RETN: variants seen among roughly 807,000 people sequenced by gnomAD.
The protein encoded by RETN is resistin, also known as C/EBP-epsilon regulated myeloid-specific secreted cysteine-rich protein precursor 1.
RETN carries 5 observed loss-of-function variants against 6.1 expected under a neutral mutation model. That is an observed-to-expected ratio of 0.82 (90% CI 0.43 to 1.73). The LOEUF is 1.73. Ranked by LOEUF, RETN falls within the 40% of genes most tolerant of loss-of-function variation. RETN has a pLI of 0.02. For synonymous variants in RETN, 62 were observed against 59.2 expected, an observed-to-expected ratio of 1.05 and a Z score of -0.22; for missense variants, 168 against 142.5, an observed-to-expected ratio of 1.18 and a Z score of -0.91.
In RETN at chr19:7,669,378, A is replaced by T; in HGVS notation, c.52A>T (p.Ser18Cys). 8.7e-6 allele frequency: 14 copies of T among 1,613,954 alleles called. No individual in the cohort carries two copies. The highest frequency in any genetic ancestry group is 1.0e-5 in the Non-Finnish European group (12 of 1,179,970). ...CCCTGTCCTGGGGCTGTTGGTGTCT[A>T]GCAAGACCCTGTGCTCCATGGAAGA... Reference protein sequence around the residue: ...LLPVLGLLVSSKTLCSMEEAI... With the variant: ...LLPVLGLLVSCKTLCSMEEAI... Residue 18 changes from serine (S) to cysteine (C), a missense_variant, in exon 2 of 4, where the codon AGC (serine) becomes TGC (cysteine). Coordinates refer to ENST00000221515, the MANE Select transcript of RETN (RefSeq NM_020415.4).
chr19:7,670,347 T>A lies in RETN; in HGVS notation c.325T>A (p.Ter109ArgextTer?). The change falls in exon 4 of 4, where the codon TGA becomes AGA. Residue 109 changes from the stop codon to arginine, a stop_lost. Transcript: ENST00000221515. ...AGCGCGCTGCTGTCGTGTGCAGCCC[T>A]GAGGTCGCGCGCAGCGCGTGCACAG... ...TGARCCRVQP[*>R] 1.3e-6 allele frequency: 2 copies of A among 1,549,770 alleles called. No individual in the cohort carries two copies. The highest frequency in any genetic ancestry group is 1.7e-6 in the Non-Finnish European group (2 of 1,152,016).
Position 7,670,299 on chromosome 19 carries a change from T to C in RETN, c.277T>C (p.Cys93Arg). 1 of 1,587,930 alleles carries C rather than the reference T, an allele frequency of 6.3e-7. No individual in the cohort carries two copies. Among genetic ancestry groups the C allele is most frequent in the South Asian group, 1.1e-5 (1 of 88,384 alleles). Residue 93 changes from cysteine to arginine, a missense_variant, in exon 4 of 4, where the codon TGC becomes CGC. Transcript: ENST00000221515. ...CGCCGAGACCACATGTCACTGCCAG[T>C]GCGCGGGCATGGACTGGACCGGAGC... Reference protein sequence around the residue: ...VRAETTCHCQCAGMDWTGARC... With the variant: ...VRAETTCHCQRAGMDWTGARC...
chr19:7,670,123 C>G (rs2032472768), intron 3 of RETN, 96 bp from the exon 4 acceptor site: 2 of 529,360 alleles, frequency 3.8e-6, no homozygotes, highest in Non-Finnish European at 3.4e-6. Flanking sequence ...TCCCCACCCC[C>G]GCCCCCCCAA....
Position 7,669,438 on chromosome 19 carries a change from T to A in RETN, c.112T>A (p.Ser38Thr). ...TGAGAGGATCCAGGAGGTCGCCGGC[T>A]CCCTAAGTGAGGACCCCCCACTTGG... is the stretch of plus-strand genomic sequence containing the variant. ...INERIQEVAG[S>T]LIFRAISSIG... The change falls in exon 2 of 4, where the codon TCC (serine) becomes ACC (threonine). Residue 38 changes from serine (S) to threonine (T), a missense_variant. Ser to Thr is a moderately conservative substitution (Grantham distance 58). Transcript: ENST00000221515. 13 of 1,612,670 alleles carry A rather than the reference T, an allele frequency of 8.1e-6. No individual in the cohort carries two copies. Among genetic ancestry groups the A allele is most frequent in the Non-Finnish European group, 1.1e-5 (13 of 1,178,848 alleles).
At position 7,669,348 on chromosome 19, in the gene RETN, C is replaced by T; in HGVS notation, c.22C>T (p.Leu8Phe). 6.2e-7 allele frequency: 1 copy of T among 1,613,872 alleles called. No individual in the cohort carries two copies. The highest frequency in any genetic ancestry group is 8.5e-7 in the Non-Finnish European group (1 of 1,179,856). Residue 8 changes from leucine to phenylalanine, a missense_variant, in exon 2 of 4, where the codon CTC becomes TTC. Transcript: ENST00000221515. ...CAGGATGAAAGCTCTCTGTCTCCTC[C>T]TCCTCCCTGTCCTGGGGCTGTTGGT... is the stretch of plus-strand genomic sequence containing the variant. Reference protein sequence around the residue: MKALCLLLLPVLGLLVSS... With the variant: MKALCLLFLPVLGLLVSS...
At position 7,669,341 on chromosome 19, in the gene RETN, TCTC is replaced by T. The variant is rs767880205; in HGVS notation, c.26_28del (p.Leu9del). On this transcript the variant is annotated inframe_deletion, in exon 2 of 4. Coordinates refer to ENST00000221515, the MANE Select transcript of RETN (RefSeq NM_020415.4). ...GCGCCTGCAGGATGAAAGCTCTCTGTCTCCTCCTCCTCCCTGTCCTGGGGCTGT... is the reference window on the plus strand; with the variant it reads ...GCGCCTGCAGGATGAAAGCTCTCTGTCTCCTCCTCCCTGTCCTGGGGCTGT... The T allele has an allele frequency of 1.7e-5, 27 of 1,612,966 alleles. No individual in the cohort carries two copies. In the Admixed American group the frequency reaches 2.7e-4, roughly 16 times the overall value.
chr19:7,669,547 C>G, intron 2 of RETN, 103 bp downstream of exon 2: 1 of 874,952 alleles, frequency 1.1e-6, no homozygotes, highest in South Asian at 1.3e-5. Context: ...CACCAAATCT[C>G]ATCCTCAAAT....
intron 1 of RETN, 97 bp downstream of exon 1, chr19:7,669,218 G>A (rs1173623011): frequency 2.4e-6 from 2 of 822,082 alleles, no homozygotes; most frequent in Non-Finnish European, 4.2e-6. Context: ...GGGGGACAGG[G>A]GTCCAGGTCC....
Position 7,670,324 on chromosome 19 carries a change from C to T in RETN, c.302C>T (p.Ala101Val), listed in dbSNP as rs1367910339. The stretch of plus-strand genomic sequence containing the variant: ...TGCGCGGGCATGGACTGGACCGGAG[C>T]GCGCTGCTGTCGTGTGCAGCCCTGA... ...CQCAGMDWTG[A>V]RCCRVQP The change falls in exon 4 of 4, where the codon GCG becomes GTG. Residue 101 changes from alanine to valine, a missense_variant. Physicochemically the swap from Ala to Val is moderately conservative, Grantham distance 64. Transcript: ENST00000221515. 2 of 1,566,728 alleles carry T rather than the reference C, an allele frequency of 1.3e-6. No individual in the cohort carries two copies. Among genetic ancestry groups the T allele is most frequent in the Non-Finnish European group, 1.7e-6 (2 of 1,161,390 alleles).
In RETN at chr19:7,669,882, G is replaced by C. The variant is rs1165254921; in HGVS notation, c.180G>C (p.Leu60=). 2 of 1,614,030 alleles carry C rather than the reference G, an allele frequency of 1.2e-6. No homozygotes were observed. Among genetic ancestry groups the C allele is most frequent in the Non-Finnish European group, 8.5e-7 (1 of 1,179,956 alleles). The change falls in exon 3 of 4, where the codon CTG becomes CTC. Residue 60 remains leucine, a synonymous_variant. Coordinates refer to ENST00000221515, the MANE Select transcript of RETN (RefSeq NM_020415.4). ...AGAGCGTCACCTCCAGGGGGGACCT[G>C]GCTACTTGCCCCCGAGGTGAGTGCA... ...ECQSVTSRGD[L]ATCPRGFAVT...
chr19:7,669,317 C>A lies in RETN; in HGVS notation c.-10C>A. ...TGGGTCTCTTGGTTCCCTCTTTCAG[C>A]GCCTGCAGGATGAAAGCTCTCTGTC... On this transcript the variant is annotated splice_region_variant and 5_prime_UTR_variant, in exon 2 of 4. Coordinates refer to ENST00000221515, the MANE Select transcript of RETN (RefSeq NM_020415.4). 3.7e-6 allele frequency: 6 copies of A among 1,604,714 alleles called. No individual in the cohort carries two copies. The highest frequency in any genetic ancestry group is 5.1e-6 in the Non-Finnish European group (6 of 1,171,496).
In RETN at chr19:7,669,585, C is replaced by T. The variant is rs567297664; in HGVS notation, c.118+141C>T. ...AACCAGATCATAAATTCAACCCCAA[C>T]TCCACTCCCAACCCCTCCGACTGTC... On this transcript the variant is annotated intron_variant, in intron 2 of 3. Transcript: ENST00000221515. 84 of 758,852 alleles carry T rather than the reference C, an allele frequency of 1.1e-4. No individual in the cohort carries two copies. In the East Asian group the frequency reaches 2.1e-3, roughly 19 times the overall value. 47.0% of individuals were successfully genotyped at this position (758,852 alleles called of 1,614,324 possible).
In RETN at chr19:7,669,912, A is replaced by T. The variant is rs760401415; in HGVS notation, c.196+14A>T. 6.2e-7 allele frequency: 1 copy of T among 1,610,856 alleles called. No individual in the cohort carries two copies. The highest frequency in any genetic ancestry group is 8.5e-7 in the Non-Finnish European group (1 of 1,177,578). On this transcript the variant is annotated intron_variant, in intron 3 of 3. Transcript: ENST00000221515. The stretch of plus-strand genomic sequence containing the variant: ...CTTGCCCCCGAGGTGAGTGCAGGAG[A>T]CTGTTGTCCAGGCGCCCATTTCTGT...
At position 7,669,454 on chromosome 19, in the gene RETN, C is replaced by A. The variant is rs192212104; in HGVS notation, c.118+10C>A. 4 of 1,599,574 alleles carry A rather than the reference C, an allele frequency of 2.5e-6. No individual in the cohort carries two copies. The Admixed American group carries it at 5.0e-5, about 20-fold the overall frequency. Reference sequence around the variant, plus strand: ...GTCGCCGGCTCCCTAAGTGAGGACCCCCCACTTGGGCAAGCTCCCCAAGGG... The same window carrying A: ...GTCGCCGGCTCCCTAAGTGAGGACCACCCACTTGGGCAAGCTCCCCAAGGG... On this transcript the variant is annotated intron_variant, in intron 2 of 3. Transcript: ENST00000221515.
Position 7,669,092 on chromosome 19 carries a change from C to T in RETN, c.-40C>T, listed in dbSNP as rs536997892. ...AGCTGCGGTGCAGGAATTCGTGTGC[C>T]GGATTTGGTTAGCTGAGCCCACCGA... On this transcript the variant is annotated 5_prime_UTR_variant, in exon 1 of 4. Coordinates refer to ENST00000221515, the MANE Select transcript of RETN (RefSeq NM_020415.4). The T allele has an allele frequency of 1.2e-5, 6 of 506,934 alleles. No individual in the cohort carries two copies. The highest frequency in any genetic ancestry group is 4.6e-5 in the South Asian group (2 of 43,566). 31.4% of individuals were successfully genotyped at this position (506,934 alleles called of 1,614,324 possible). A position where few individuals can be genotyped will look rare whatever the true frequency, so the allele number is the denominator to read the frequency against.
At chr19:7,669,202 C>T (rs1248594739) in intron 1 of RETN, 81 bp downstream of exon 1, 1 of 753,994 alleles carries the variant, frequency 1.3e-6, no homozygotes, top group Non-Finnish European at 2.3e-6. Flanking sequence ...CCCTGTCCCC[C>T]ACATGGGGGG....
chr19:7,670,304 G>T lies in RETN; in HGVS notation c.282G>T (p.Ala94=). 6.3e-7 allele frequency: 1 copy of T among 1,586,268 alleles called. No individual in the cohort carries two copies. The highest frequency in any genetic ancestry group is 1.3e-5 in the African/African-American group (1 of 74,700). ...AGACCACATGTCACTGCCAGTGCGCGGGCATGGACTGGACCGGAGCGCGCT... is the reference window on the plus strand; with the variant it reads ...AGACCACATGTCACTGCCAGTGCGCTGGCATGGACTGGACCGGAGCGCGCT... ...RAETTCHCQC[A]GMDWTGARCC... Residue 94 remains alanine, a synonymous_variant, in exon 4 of 4, where the codon GCG becomes GCT. Transcript: ENST00000221515.
At chr19:7,669,683 C>A in intron 2 of RETN, 138 bp from the exon 3 acceptor site, 2 of 806,004 alleles carry the variant, frequency 2.5e-6, no homozygotes, top group Non-Finnish European at 4.3e-6. Flanking sequence ...AAACACCCAA[C>A]TCAAGACAGG....
At chr19:7,670,149 C>A in intron 3 of RETN, 70 bp from the exon 4 acceptor site, 1 of 570,460 alleles carries the variant, frequency 1.8e-6, no homozygotes. Flanking sequence ...CTCCGCGCTC[C>A]CCACCCCCCT....
Sources: gnomAD v4.1 joint callset for allele counts on GRCh38, gnomAD v4.1.1 for gene constraint, MANE v1.5 for transcripts, NCBI Gene and HGNC (gene_info 2026-07-23, HGNC 2026-07-21) for gene names.